RALGAPA1: variants seen among roughly 807,000 people sequenced by gnomAD.
The protein encoded by RALGAPA1 is Ral GTPase activating protein catalytic subunit alpha 1.
RALGAPA1 carries 52 observed loss-of-function variants against 269.6 expected under a neutral mutation model. The observed-to-expected ratio is 0.19, with a 90% CI of 0.15 to 0.24. RALGAPA1 has a LOEUF of 0.24. Among genes scored for constraint, RALGAPA1 ranks in the 10% least tolerant of loss-of-function variants. The pLI is 1.00. For missense variants in RALGAPA1, 1,917 were observed against 3,013.9 expected, an observed-to-expected ratio of 0.64 and a Z score of 8.52; for synonymous variants, 817 against 1,008.3, an observed-to-expected ratio of 0.81 and a Z score of 3.60.
At chr14:35,769,312 A>G (rs756593021) in intron 4 of RALGAPA1, among the ~76,000 whole-genome samples, 4 of 152,062 alleles carry the variant, frequency 2.6e-5, no homozygotes, top group Non-Finnish European at 4.4e-5. Context: ...ACATGGATAC[A>G]GCTGGAGGCC....
intron 1 of RALGAPA1, among the ~76,000 whole-genome samples, chr14:35,786,866 C>T (rs1431584220): frequency 1.3e-5 from 2 of 152,234 alleles, no homozygotes; most frequent in South Asian, 2.1e-4. Flanking sequence ...TCATATCAGA[C>T]GAGTAATGTG....
chr14:35,650,980 G>A (rs572815812), intron 31 of RALGAPA1, among the ~76,000 whole-genome samples: 2 of 148,726 alleles, frequency 1.3e-5, no homozygotes, highest in Admixed American at 1.4e-4. Context: ...ACTAAATTTA[G>A]TGTCAACTGA....
At chr14:35,685,950 TA>T (rs2065888013) in intron 19 of RALGAPA1, among the ~76,000 whole-genome samples, 1 of 152,068 alleles carries the variant, frequency 6.6e-6, no homozygotes, top group Non-Finnish European at 1.5e-5. Flanking sequence ...TTATTAGGGA[TA>T]AAAGAGCTTC....
At chr14:35,694,523 G>A (rs1268039294) in intron 17 of RALGAPA1, among the ~76,000 whole-genome samples, 2 of 152,026 alleles carry the variant, frequency 1.3e-5, no homozygotes, top group East Asian at 3.9e-4. Flanking sequence ...ATTCAAAGCA[G>A]TTTTTACATT....
At chr14:35,712,924 G>C (rs2068486027) in intron 16 of RALGAPA1, among the ~76,000 whole-genome samples, 1 of 152,174 alleles carries the variant, frequency 6.6e-6, no homozygotes, top group Non-Finnish European at 1.5e-5. Context: ...AATAAATGAA[G>C]TCTAGTAATG....
At chr14:35,720,439 C>G (rs1453426551) in intron 16 of RALGAPA1, among the ~76,000 whole-genome samples, 1 of 152,162 alleles carries the variant, frequency 6.6e-6, no homozygotes, top group African/African-American at 2.4e-5. Flanking sequence ...CAAGATGTAT[C>G]CTTACAATAA....
chr14:35,563,084 T>C (rs531839518), intron 39 of RALGAPA1, among the ~76,000 whole-genome samples: 1 of 103,450 alleles, frequency 9.7e-6, no homozygotes, highest in African/African-American at 3.6e-5. Flanking sequence ...AAAAGATAGA[T>C]AATAAATACA....
At chr14:35,728,735 C>CTT (rs755979931) in intron 12 of RALGAPA1, among the ~76,000 whole-genome samples, 1 of 141,514 alleles carries the variant, frequency 7.1e-6, no homozygotes, top group Non-Finnish European at 1.6e-5. Flanking sequence ...GTATTTCTTT[C>CTT]TTTTTTTTTT....
At chr14:35,745,918 T>C (rs972387922) in intron 10 of RALGAPA1, among the ~76,000 whole-genome samples, 1 of 151,480 alleles carries the variant, frequency 6.6e-6, no homozygotes, top group Non-Finnish European at 1.5e-5. Flanking sequence ...CGAGAACCCC[T>C]CTCTACAAAA....
At chr14:35,782,664 T>C (rs1417678844) in intron 1 of RALGAPA1, among the ~76,000 whole-genome samples, 1 of 152,006 alleles carries the variant, frequency 6.6e-6, no homozygotes, top group Non-Finnish European at 1.5e-5. Flanking sequence ...CCTAAGGTGA[T>C]CCACCCGCCA....
intron 36 of RALGAPA1, 103 bp downstream of exon 36, chr14:35,605,483 G>A: frequency 8.2e-7 from 1 of 1,218,596 alleles, no homozygotes; most frequent in Non-Finnish European, 1.1e-6. Context: ...TTGTTAAGTT[G>A]TTGTATCTCC....
chr14:35,730,552 TG>T (rs1009639712), intron 12 of RALGAPA1, among the ~76,000 whole-genome samples: 4 of 111,242 alleles, frequency 3.6e-5, no homozygotes, highest in Non-Finnish European at 9.2e-5. Context: ...GCGGGCATGG[TG>T]GGAGACAGAC....
intron 26 of RALGAPA1, among the ~76,000 whole-genome samples, chr14:35,669,359 A>G (rs1243617958): frequency 6.6e-6 from 1 of 152,068 alleles, no homozygotes. Flanking sequence ...GGTTCAAGCG[A>G]TTCTCCTGTG....
chr14:35,712,240 C>CAA (rs58184723), intron 16 of RALGAPA1, among the ~76,000 whole-genome samples: 36 of 57,332 alleles, frequency 6.3e-4, no homozygotes, highest in African/African-American at 1.4e-3. Context: ...GAGCATGTCT[C>CAA]AAAAAAAAAA....
intron 35 of RALGAPA1, among the ~76,000 whole-genome samples, chr14:35,621,493 A>C (rs2060623941): frequency 6.6e-6 from 1 of 152,214 alleles, no homozygotes; most frequent in Non-Finnish European, 1.5e-5. Flanking sequence ...CAATGGCAAC[A>C]AAAGCCAAAA....
intron 35 of RALGAPA1, among the ~76,000 whole-genome samples, chr14:35,614,569 G>C (rs2060135875): frequency 6.6e-6 from 1 of 152,108 alleles, no homozygotes; most frequent in African/African-American, 2.4e-5. Flanking sequence ...GGAAAGAAAG[G>C]CTGGTGGGTA....
At chr14:35,766,877 G>T (rs2074201722) in intron 4 of RALGAPA1, 1 of 440,824 alleles carries the variant, frequency 2.3e-6, no homozygotes, top group Admixed American at 2.8e-5. Flanking sequence ...TTTTACACAG[G>T]CTGTAAACAT....
rs771226294 is a variant in RALGAPA1 at position 35,742,431 on chromosome 14, G to A, written c.1386C>T (p.Leu462=). 1 of 1,605,238 alleles carries A rather than the reference G, an allele frequency of 6.2e-7. No individual in the cohort carries two copies. The highest frequency in any genetic ancestry group is 1.1e-5 in the South Asian group (1 of 90,568). Residue 462 remains leucine, a synonymous_variant, in exon 11 of 42, where the codon CTC becomes CTT. Transcript: ENST00000680220. The stretch of plus-strand genomic sequence containing the variant: ...GGTCTGTGACATTTTCAATGCAAGG[G>A]AGGTCTGAAGAAGTGATCACAATTT... The part of the protein sequence containing the change: ...PEEIVITSSD[L]PCIENVTDHD...
At chr14:35,798,550 CTTGA>C (rs929855692) in intron 1 of RALGAPA1, among the ~76,000 whole-genome samples, 40 of 152,258 alleles carry the variant, frequency 2.6e-4, no homozygotes, top group African/African-American at 8.4e-4. Context: ...TCCTAAATAC[CTTGA>C]TTATCAAAAT....
Sources: gnomAD v4.1 joint callset for allele counts (sites outside exome capture counted in the v4.1 genomes callset) on GRCh38, gnomAD v4.1.1 for gene constraint, MANE v1.5 for transcripts, NCBI Gene and HGNC (gene_info 2026-07-23, HGNC 2026-07-21) for gene names.